Variants in ZDHHC14 observed in about 807,000 individuals in gnomAD.
ZDHHC14 encodes the protein zDHHC palmitoyltransferase 14.
In ZDHHC14, 16 loss-of-function variants were observed where a neutral mutation model predicts 47.7. The observed-to-expected ratio is 0.34, with a 90% CI of 0.23 to 0.51. The LOEUF is 0.51. Among genes scored for constraint, ZDHHC14 ranks in the 20% least tolerant of loss-of-function variants. The probability of loss-of-function intolerance (pLI) is 0.97; values close to 1 mark genes in which losing one functional copy is unlikely to be tolerated. For synonymous variants in ZDHHC14, 293 were observed against 278.9 expected (o/e 1.05, Z -0.50); for missense variants, 515 against 662.5 (o/e 0.78, Z 2.44).
intron 1 of ZDHHC14, among the ~76,000 whole-genome samples, chr6:157,468,681 A>C (rs1237574251): frequency 2.0e-5 from 3 of 152,206 alleles, no homozygotes; most frequent in Admixed American, 2.0e-4. Context: ...CTTTCATTGG[A>C]GGAGTAATGC....
intron 3 of ZDHHC14, among the ~76,000 whole-genome samples, chr6:157,611,905 G>A (rs190344196): frequency 1.2e-4 from 18 of 152,088 alleles, no homozygotes; most frequent in Admixed American, 2.0e-4. Context: ...TTTGCCTTCC[G>A]GAGTCTCTCT....
chr6:157,614,569 A>G (rs1339762796), intron 3 of ZDHHC14, among the ~76,000 whole-genome samples: 1 of 152,104 alleles, frequency 6.6e-6, no homozygotes, highest in East Asian at 1.9e-4. Context: ...ATGTTCTTAG[A>G]AAAACTCTCT....
chr6:157,614,743 T>C (rs1395014807), intron 3 of ZDHHC14, among the ~76,000 whole-genome samples: 3 of 150,702 alleles, frequency 2.0e-5, no homozygotes, highest in African/African-American at 7.3e-5. Context: ...CGTGTTCTGC[T>C]CTCTCCAGCT....
At chr6:157,655,566 GT>G (rs1562532394) in intron 8 of ZDHHC14, among the ~76,000 whole-genome samples, 4 of 152,188 alleles carry the variant, frequency 2.6e-5, no homozygotes. Context: ...TACGTTGATC[GT>G]TTCTCTGATG....
At chr6:157,475,242 T>TGCCAA (rs1255877996) in intron 1 of ZDHHC14, among the ~76,000 whole-genome samples, 3 of 152,204 alleles carry the variant, frequency 2.0e-5, no homozygotes, top group African/African-American at 7.2e-5. Flanking sequence ...ATGTCTGTTT[T>TGCCAA]TATGCCAGTA....
intron 1 of ZDHHC14, among the ~76,000 whole-genome samples, chr6:157,518,569 T>C (rs1314751951): frequency 1.3e-5 from 2 of 152,126 alleles, no homozygotes; most frequent in African/African-American, 4.8e-5. Context: ...CCTCTGTCTG[T>C]AGGTGACACC....
intron 2 of ZDHHC14, among the ~76,000 whole-genome samples, chr6:157,546,860 G>T (rs113901674): frequency 6.6e-6 from 1 of 152,278 alleles, no homozygotes; most frequent in South Asian, 2.1e-4. Context: ...CTTCCCACCC[G>T]TTCCACCGTC....
At chr6:157,638,060 T>A (rs1485051722) in intron 5 of ZDHHC14, among the ~76,000 whole-genome samples, 1 of 151,778 alleles carries the variant, frequency 6.6e-6, no homozygotes, top group Non-Finnish European at 1.5e-5. Context: ...AGTGCCAGAG[T>A]GTGGCCAGCC....
intron 2 of ZDHHC14, among the ~76,000 whole-genome samples, chr6:157,553,909 G>A (rs35573634): frequency 0.47 from 71,738 of 151,974 alleles, 17,095 homozygotes; most frequent in Middle Eastern, 0.55. Context: ...CCACCGGGAT[G>A]AGTGGAGTTG....
At chr6:157,616,534 G>A (rs1198575946) in intron 3 of ZDHHC14, among the ~76,000 whole-genome samples, 1 of 152,102 alleles carries the variant, frequency 6.6e-6, no homozygotes, top group African/African-American at 2.4e-5. Context: ...CACCCTAGAG[G>A]ACGAGCGGCC....
chr6:157,452,158 C>T (rs1048684888), intron 1 of ZDHHC14, among the ~76,000 whole-genome samples: 3 of 152,146 alleles, frequency 2.0e-5, no homozygotes, highest in Non-Finnish European at 4.4e-5. Context: ...GACCTTGGAC[C>T]AGACAGATTT....
intron 1 of ZDHHC14, among the ~76,000 whole-genome samples, chr6:157,481,132 G>T (rs1299521965): frequency 3.9e-5 from 6 of 152,156 alleles, no homozygotes; most frequent in Non-Finnish European, 8.8e-5. Flanking sequence ...AATTTTATAT[G>T]TGCTTGCACG....
intron 1 of ZDHHC14, among the ~76,000 whole-genome samples, chr6:157,430,403 A>G (rs958762860): frequency 6.6e-6 from 1 of 151,944 alleles, no homozygotes; most frequent in African/African-American, 2.4e-5. Context: ...TAAAGCAAAG[A>G]TACCAGAAGG....
chr6:157,603,295 CGTA>C (rs1784409197), intron 3 of ZDHHC14, among the ~76,000 whole-genome samples: 1 of 152,190 alleles, frequency 6.6e-6, no homozygotes, highest in African/African-American at 2.4e-5. Flanking sequence ...GAGTTTTCCA[CGTA>C]GTTATGAAAA....
At chr6:157,530,103 A>C (rs975773594) in intron 1 of ZDHHC14, among the ~76,000 whole-genome samples, 4 of 152,250 alleles carry the variant, frequency 2.6e-5, no homozygotes, top group African/African-American at 9.6e-5. Context: ...TGCTCCCTGC[A>C]GTCTTACTAT....
intron 1 of ZDHHC14, among the ~76,000 whole-genome samples, chr6:157,441,791 T>C (rs1161319196): frequency 6.6e-6 from 1 of 152,104 alleles, no homozygotes; most frequent in Non-Finnish European, 1.5e-5. Flanking sequence ...TGAGCCAAGA[T>C]TGTGCCACAG....
At chr6:157,420,453 CGAG>C (rs1489239112) in intron 1 of ZDHHC14, among the ~76,000 whole-genome samples, 1 of 146,500 alleles carries the variant, frequency 6.8e-6, no homozygotes, top group Non-Finnish European at 1.5e-5. Flanking sequence ...TGGGCTGAAT[CGAG>C]GCACTAATGA....
intron 2 of ZDHHC14, among the ~76,000 whole-genome samples, chr6:157,577,212 G>T (rs1562489345): frequency 6.6e-6 from 1 of 152,118 alleles, no homozygotes; most frequent in African/African-American, 2.4e-5. Context: ...TTTTAAGGCT[G>T]CATAGTATTC....
chr6:157,595,067 C>G (rs764434518), intron 3 of ZDHHC14, among the ~76,000 whole-genome samples: 1 of 150,846 alleles, frequency 6.6e-6, no homozygotes, highest in Non-Finnish European at 1.5e-5. Flanking sequence ...AACTAAAGGT[C>G]TTACTGGGCA....
Sources: allele counts gnomAD v4.1 joint callset (sites outside exome capture counted in the v4.1 genomes callset), GRCh38; gene constraint gnomAD v4.1.1; transcripts MANE v1.5; gene names NCBI Gene and HGNC (gene_info 2026-07-23, HGNC 2026-07-21).